The following NELL1 variants were observed in gnomAD, a reference collection of about 807,000 sequenced individuals.
NELL1 encodes neural EGFL like 1.
NELL1 carries 76 observed loss-of-function variants against 107.4 expected under a neutral mutation model. That is an observed-to-expected ratio of 0.71 (90% CI 0.59 to 0.86). NELL1 has a LOEUF of 0.86. NELL1 is among the 40% of genes least tolerant of loss of function. The pLI is 0.00. For synonymous variants in NELL1, 353 were observed against 341.2 expected (o/e 1.03, Z -0.38); for missense variants, 1,024 against 1,005.5 (o/e 1.02, Z -0.25).
intron 3 of NELL1, among the ~76,000 whole-genome samples, chr11:20,840,098 A>G (rs1396694710): frequency 3.3e-5 from 5 of 152,246 alleles, no homozygotes; most frequent in African/African-American, 7.2e-5. Context: ...TTTAAAACAT[A>G]TAATGGTTTA....
chr11:21,164,368 A>G (rs1407769702), intron 13 of NELL1, among the ~76,000 whole-genome samples: 1 of 152,222 alleles, frequency 6.6e-6, no homozygotes, highest in South Asian at 2.1e-4. Context: ...GTGGAATACC[A>G]GGACAACTGT....
intron 10 of NELL1, among the ~76,000 whole-genome samples, chr11:20,941,331 G>A (rs1003634715): frequency 1.3e-5 from 2 of 152,292 alleles, no homozygotes; most frequent in East Asian, 1.9e-4. Flanking sequence ...GAGGATAAGA[G>A]GGTGAGTCTA....
intron 14 of NELL1, among the ~76,000 whole-genome samples, chr11:21,325,422 C>T (rs759165477): frequency 2.6e-5 from 4 of 152,048 alleles, no homozygotes; most frequent in Non-Finnish European, 5.9e-5. Context: ...ACTAAGGCTA[C>T]ACCAATTTAG....
chr11:21,448,405 C>T (rs1009251581), intron 15 of NELL1, among the ~76,000 whole-genome samples: 3 of 152,098 alleles, frequency 2.0e-5, no homozygotes, highest in Admixed American at 1.3e-4. Flanking sequence ...TGTATATTTT[C>T]AACTTGCTAA....
intron 15 of NELL1, among the ~76,000 whole-genome samples, chr11:21,489,885 T>C (rs1854754175): frequency 6.6e-6 from 1 of 152,036 alleles, no homozygotes; most frequent in Non-Finnish European, 1.5e-5. Context: ...CCGAGATCTG[T>C]AACAAGACAA....
intron 14 of NELL1, among the ~76,000 whole-genome samples, chr11:21,362,684 C>A (rs914229953): frequency 6.6e-6 from 1 of 152,154 alleles, no homozygotes; most frequent in Non-Finnish European, 1.5e-5. Context: ...TCTAAGCTTG[C>A]CCTAAGATGG....
At chr11:21,207,579 C>G (rs1227160109) in intron 13 of NELL1, among the ~76,000 whole-genome samples, 1 of 152,084 alleles carries the variant, frequency 6.6e-6, no homozygotes, top group Non-Finnish European at 1.5e-5. Flanking sequence ...ACTTTATGTA[C>G]AAATAATGAA....
Position 21,422,151 on chromosome 11 carries a change from AAGAG to A in NELL1, c.1645+51211_1645+51214del, listed in dbSNP as rs1491204754. ...CACACGCACGTGTATGTACACGTGC[AAGAG>A]AGAGAGAAGAAGAGAGACAAAGAGA... On this transcript the variant is annotated intron_variant, in intron 15 of 19. Transcript: ENST00000357134. Among the ~76,000 whole-genome samples, 9 of 143,050 alleles carry A rather than the reference AAGAG, an allele frequency of 6.3e-5. No individual in the cohort carries two copies. In the East Asian group the frequency reaches 9.7e-4, roughly 15 times the overall value. The allele number at this position is 143,050 out of a possible 152,430, so 93.8% of individuals were successfully genotyped here. A position where few individuals can be genotyped will look rare whatever the true frequency, so the allele number is the denominator to read the frequency against.
chr11:21,292,927 T>G (rs989757088), intron 14 of NELL1, among the ~76,000 whole-genome samples: 3 of 150,888 alleles, frequency 2.0e-5, no homozygotes, highest in Non-Finnish European at 4.5e-5. Flanking sequence ...ATACAAAAAT[T>G]AAGATGGATT....
chr11:20,937,455 T>C (rs891887503), intron 9 of NELL1, among the ~76,000 whole-genome samples: 4 of 152,254 alleles, frequency 2.6e-5, no homozygotes, highest in Admixed American at 6.5e-5. Context: ...AAGCTACTGC[T>C]AACTGTACTC....
chr11:20,741,916 C>A (rs1855899625), intron 2 of NELL1, among the ~76,000 whole-genome samples: 2 of 152,168 alleles, frequency 1.3e-5, no homozygotes, highest in Non-Finnish European at 2.9e-5. Flanking sequence ...GTATATGAAC[C>A]TTTCGGGGAT....
chr11:20,905,194 C>A (rs534771488), intron 5 of NELL1, among the ~76,000 whole-genome samples: 1 of 151,916 alleles, frequency 6.6e-6, no homozygotes, highest in Admixed American at 6.6e-5. Flanking sequence ...CTACACATGA[C>A]TAGAAATACA....
At chr11:20,755,559 T>TTTTTATTTTTTTATTTA (rs1337491294) in intron 2 of NELL1, among the ~76,000 whole-genome samples, 430 of 17,626 alleles carry the variant, frequency 0.024, no homozygotes, top group Non-Finnish European at 0.075. Context: ...TGTTTTTGTT[T>TTTTTATTTTTTTATTTA]TTGTTTTTTT....
chr11:21,006,795 T>C (rs1852337165), intron 12 of NELL1, among the ~76,000 whole-genome samples: 1 of 152,098 alleles, frequency 6.6e-6, no homozygotes, highest in Non-Finnish European at 1.5e-5. Flanking sequence ...CACTTGGTAT[T>C]ACCCTTTACA....
intron 14 of NELL1, among the ~76,000 whole-genome samples, chr11:21,265,804 C>A (rs986397007): frequency 3.3e-5 from 5 of 151,914 alleles, no homozygotes; most frequent in Non-Finnish European, 7.4e-5. Flanking sequence ...CTTTCTGAGC[C>A]TTGTATTTTT....
intron 14 of NELL1, among the ~76,000 whole-genome samples, chr11:21,280,300 A>G (rs1160091208): frequency 6.6e-6 from 1 of 152,238 alleles, no homozygotes. Context: ...GGCTGTACCA[A>G]TCGTTCCACC....
intron 12 of NELL1, among the ~76,000 whole-genome samples, chr11:20,979,387 CGT>C (rs1391696845): frequency 6.6e-6 from 1 of 152,072 alleles, no homozygotes; most frequent in Non-Finnish European, 1.5e-5. Flanking sequence ...TGTGTGCACA[CGT>C]GTGTGTTTTA....
chr11:21,418,547 A>ATAT (rs545562579), intron 15 of NELL1, among the ~76,000 whole-genome samples: 201 of 152,270 alleles, frequency 1.3e-3, no homozygotes, highest in Non-Finnish European at 2.5e-3. Context: ...TACTGAGCAC[A>ATAT]TATTAGCACA....
intron 4 of NELL1, among the ~76,000 whole-genome samples, chr11:20,878,472 C>T (rs2134097267): frequency 6.6e-6 from 1 of 150,928 alleles, no homozygotes; most frequent in African/African-American, 2.4e-5. Context: ...AGTGAGTTGT[C>T]TGCCTGATAG....
Sources: gnomAD v4.1 joint callset for allele counts (sites outside exome capture counted in the v4.1 genomes callset) on GRCh38, gnomAD v4.1.1 for gene constraint, MANE v1.5 for transcripts, NCBI Gene and HGNC (gene_info 2026-07-23, HGNC 2026-07-21) for gene names.